Variants in CNTN5 observed in about 807,000 individuals in gnomAD.
CNTN5 encodes contactin-5.
Under a neutral mutation model 129.1 loss-of-function variants are expected in CNTN5, and 77 were observed. That is an observed-to-expected ratio of 0.60 (90% CI 0.50 to 0.72). CNTN5 has a LOEUF of 0.72. CNTN5 is among the 30% of genes least tolerant of loss of function. CNTN5 has a pLI of 0.00. For missense variants in CNTN5, 1,478 were observed against 1,328.8 expected (o/e 1.11, Z -1.75); for synonymous variants, 509 against 465.6 (o/e 1.09, Z -1.20).
chr11:99,593,102 T>A (rs1950026837), intron 3 of CNTN5, among the ~76,000 whole-genome samples: 1 of 152,200 alleles, frequency 6.6e-6, no homozygotes. Flanking sequence ...CTTTTATAAC[T>A]AGCTTAGATA....
chr11:100,280,514 G>A (rs1259343414), intron 18 of CNTN5, among the ~76,000 whole-genome samples: 1 of 151,792 alleles, frequency 6.6e-6, no homozygotes, highest in Admixed American at 6.6e-5. Flanking sequence ...GCTCTTTTGT[G>A]ATTTCCACTG....
intron 3 of CNTN5, among the ~76,000 whole-genome samples, chr11:99,574,303 A>G (rs1337341141): frequency 6.6e-6 from 1 of 152,154 alleles, no homozygotes; most frequent in Non-Finnish European, 1.5e-5. Flanking sequence ...TACCCAGTCA[A>G]TCATTGATGG....
intron 4 of CNTN5, among the ~76,000 whole-genome samples, chr11:99,841,810 GTGTATA>G (rs1947504869): frequency 7.5e-6 from 1 of 132,750 alleles, no homozygotes; most frequent in Non-Finnish European, 1.6e-5. Flanking sequence ...TGTGGTGTGT[GTGTATA>G]TATGTGTGTA....
chr11:99,157,507 T>C (rs1303508235), intron 1 of CNTN5, among the ~76,000 whole-genome samples: 1 of 152,092 alleles, frequency 6.6e-6, no homozygotes, highest in Non-Finnish European at 1.5e-5. Context: ...AAAAAATTGA[T>C]ATCAAGTTGT....
At chr11:99,903,257 A>G (rs1949406487) in intron 6 of CNTN5, among the ~76,000 whole-genome samples, 1 of 151,880 alleles carries the variant, frequency 6.6e-6, no homozygotes, top group Non-Finnish European at 1.5e-5. Context: ...CAGCATAAGA[A>G]TTCCTGTAAA....
intron 13 of CNTN5, among the ~76,000 whole-genome samples, chr11:100,109,206 T>A (rs936589351): frequency 6.6e-6 from 1 of 152,124 alleles, no homozygotes; most frequent in Non-Finnish European, 1.5e-5. Flanking sequence ...GGCGGATGGA[T>A]CACGAAGTCA....
intron 15 of CNTN5, among the ~76,000 whole-genome samples, chr11:100,195,979 C>T (rs1321819588): frequency 1.3e-5 from 2 of 151,904 alleles, no homozygotes; most frequent in African/African-American, 4.8e-5. Flanking sequence ...TACCTTCTTT[C>T]TGTGAGACCA....
chr11:100,120,484 A>G (rs1945982152), intron 13 of CNTN5, among the ~76,000 whole-genome samples: 1 of 152,000 alleles, frequency 6.6e-6, no homozygotes, highest in South Asian at 2.1e-4. Flanking sequence ...GGGAAAAATG[A>G]AAGGATTTAT....
At chr11:99,648,839 T>G (rs1486852113) in intron 3 of CNTN5, among the ~76,000 whole-genome samples, 1 of 151,834 alleles carries the variant, frequency 6.6e-6, no homozygotes, top group African/African-American at 2.4e-5. Flanking sequence ...CCCACTCATA[T>G]GCAGAAAAAG....
chr11:99,029,033 T>C (rs1186442372), intron 1 of CNTN5, among the ~76,000 whole-genome samples: 3 of 151,902 alleles, frequency 2.0e-5, no homozygotes, highest in African/African-American at 7.2e-5. Flanking sequence ...ATTAGCTGTA[T>C]AATTTTGGAC....
At chr11:99,294,328 TACTA>T (rs1467654505) in intron 1 of CNTN5, among the ~76,000 whole-genome samples, 4 of 152,192 alleles carry the variant, frequency 2.6e-5, no homozygotes, top group Non-Finnish European at 5.9e-5. Context: ...AGGTGCAGTA[TACTA>T]ACTCAGTGTA....
intron 3 of CNTN5, among the ~76,000 whole-genome samples, chr11:99,724,957 A>T (rs563965794): frequency 6.6e-6 from 1 of 152,290 alleles, no homozygotes; most frequent in African/African-American, 2.4e-5. Flanking sequence ...AAGATAAAAG[A>T]TTTTTTGCGC....
In CNTN5 at chr11:99,207,395, G is replaced by T. The variant is rs1859537814; in HGVS notation, c.-209-117951G>T. Among the ~76,000 whole-genome samples, 4 of 152,206 alleles carry T rather than the reference G, an allele frequency of 2.6e-5. No individual in the cohort carries two copies. In the South Asian group the frequency reaches 8.3e-4, roughly 32 times the overall value. ...CAGTCTCAAGTAATCAGTAATAATTGTATCATATTGCTGAAGCACACTCCA... is the reference window on the plus strand; with the variant it reads ...CAGTCTCAAGTAATCAGTAATAATTTTATCATATTGCTGAAGCACACTCCA... On this transcript the variant is annotated intron_variant, in intron 1 of 24. Coordinates refer to ENST00000524871, the MANE Select transcript of CNTN5 (RefSeq NM_014361.4).
At chr11:99,072,959 C>T (rs1438716503) in intron 1 of CNTN5, among the ~76,000 whole-genome samples, 1 of 152,156 alleles carries the variant, frequency 6.6e-6, no homozygotes, top group African/African-American at 2.4e-5. Flanking sequence ...TGTTTTTGAA[C>T]TTCATATAAA....
chr11:99,472,748 A>G (rs970587973), intron 2 of CNTN5, among the ~76,000 whole-genome samples: 1 of 152,020 alleles, frequency 6.6e-6, no homozygotes, highest in African/African-American at 2.4e-5. Context: ...AGCCCACTGC[A>G]ACCTCTACCT....
intron 18 of CNTN5, among the ~76,000 whole-genome samples, chr11:100,293,203 A>T (rs1050523437): frequency 7.2e-5 from 11 of 151,836 alleles, no homozygotes; most frequent in Non-Finnish European, 1.6e-4. Context: ...AAACAAAGGG[A>T]ATATGAGTTG....
chr11:99,189,866 C>T (rs1565389561), intron 1 of CNTN5, among the ~76,000 whole-genome samples: 1 of 151,566 alleles, frequency 6.6e-6, no homozygotes, highest in Non-Finnish European at 1.5e-5. Flanking sequence ...TGTCCCTTTA[C>T]TCTATTGATT....
At chr11:100,021,098 G>A (rs1941115106) in intron 9 of CNTN5, among the ~76,000 whole-genome samples, 1 of 152,052 alleles carries the variant, frequency 6.6e-6, no homozygotes, top group African/African-American at 2.4e-5. Context: ...TTATGAGTAT[G>A]TTATTTAGCT....
chr11:99,979,465 A>T (rs1336449381), intron 8 of CNTN5, among the ~76,000 whole-genome samples: 2 of 152,188 alleles, frequency 1.3e-5, no homozygotes, highest in African/African-American at 2.4e-5. Flanking sequence ...AAAGTAAATG[A>T]AGAAGAAGTA....
Sources: allele counts gnomAD v4.1 joint callset (sites outside exome capture counted in the v4.1 genomes callset), GRCh38; gene constraint gnomAD v4.1.1; transcripts MANE v1.5; gene names NCBI Gene and HGNC (gene_info 2026-07-23, HGNC 2026-07-21).